The following FAM177A1 variants were observed in gnomAD, a reference collection of about 807,000 sequenced individuals.
The protein encoded by FAM177A1 is protein FAM177A1.
In FAM177A1, 22 loss-of-function variants were observed where a neutral mutation model predicts 26.1. The observed-to-expected ratio is 0.84, with a 90% CI of 0.60 to 1.20. The LOEUF (loss-of-function observed/expected upper bound fraction) is 1.20. Among genes scored for constraint, FAM177A1 ranks in the 50% most tolerant of loss-of-function variants. FAM177A1 has a pLI of 0.00. For missense variants in FAM177A1, 296 were observed against 291.1 expected, an observed-to-expected ratio of 1.02 and a Z score of -0.12; for synonymous variants, 95 against 99.3, an observed-to-expected ratio of 0.96 and a Z score of 0.26.
chr14:35,052,994 G>A (rs745500477), intron 1 of FAM177A1, among the ~76,000 whole-genome samples: 2 of 152,132 alleles, frequency 1.3e-5, no homozygotes, highest in Non-Finnish European at 2.9e-5. Flanking sequence ...AATCTCTTTT[G>A]TTACATATGT....
chr14:35,049,581 C>G (rs1340848590), intron 1 of FAM177A1, among the ~76,000 whole-genome samples: 1 of 152,044 alleles, frequency 6.6e-6, no homozygotes, highest in East Asian at 1.9e-4. Context: ...GTCAGGAGTT[C>G]GAGACCAGCC....
chr14:35,066,803 C>CTT (rs35581352), intron 2 of FAM177A1, among the ~76,000 whole-genome samples: 1 of 148,594 alleles, frequency 6.7e-6, no homozygotes, highest in African/African-American at 2.5e-5. Flanking sequence ...AATCTTGAAT[C>CTT]TTTTTTTTTT....
chr14:35,081,471 T>C lies in FAM177A1; in HGVS notation c.*243T>C. The C allele has an allele frequency of 3.2e-6, 1 of 314,092 alleles. No homozygotes were observed. Among genetic ancestry groups the C allele is most frequent in the Non-Finnish European group, 5.7e-6 (1 of 176,676 alleles). The allele number at this position is 314,092 out of a possible 1,614,324, so 19.5% of individuals were successfully genotyped here. ...AGTGCTTTGGTTTTAAAATGATCTT[T>C]TAAAAAAGTTAAGGACATCCTAGAG... On this transcript the variant is annotated 3_prime_UTR_variant, in exon 5 of 5. Transcript: ENST00000280987.
chr14:35,067,528 C>T (rs1298920086), intron 2 of FAM177A1, among the ~76,000 whole-genome samples: 2 of 152,020 alleles, frequency 1.3e-5, no homozygotes, highest in African/African-American at 4.8e-5. Flanking sequence ...GATTCCAGTT[C>T]CTTTCAATAT....
intron 4 of FAM177A1, among the ~76,000 whole-genome samples, chr14:35,079,998 G>A (rs1276785842): frequency 6.6e-6 from 1 of 152,042 alleles, no homozygotes; most frequent in Non-Finnish European, 1.5e-5. Context: ...AACACTGTAA[G>A]CCTTGCTTAG....
At chr14:35,053,057 T>C in intron 1 of FAM177A1, 1 of 459,042 alleles carries the variant, frequency 2.2e-6, no homozygotes, top group Non-Finnish European at 3.8e-6. Flanking sequence ...ATAATCTGCT[T>C]TCCAGATTTG....
chr14:35,071,719 T>C (rs1351030407), intron 2 of FAM177A1, among the ~76,000 whole-genome samples: 1 of 152,214 alleles, frequency 6.6e-6, no homozygotes, highest in East Asian at 1.9e-4. Flanking sequence ...TCAATTATTC[T>C]CGCCAGAAAC....
intron 2 of FAM177A1, among the ~76,000 whole-genome samples, chr14:35,059,029 G>A (rs907231709): frequency 5.9e-5 from 9 of 151,710 alleles, no homozygotes; most frequent in Non-Finnish European, 7.4e-5. Context: ...TCCGCCTCCC[G>A]GGTTCACGCC....
At position 35,054,173 on chromosome 14, in the gene FAM177A1, C is replaced by T. The variant is rs2045023685; in HGVS notation, c.339+722C>T. On this transcript the variant is annotated intron_variant, in intron 2 of 4. Coordinates refer to ENST00000280987, the MANE Select transcript of FAM177A1 (RefSeq NM_173607.5). The stretch of plus-strand genomic sequence containing the variant: ...GAGCTTGCAGTGAGCCGAGATCGCG[C>T]CACTGCACTACAGCCTGGGCAACAG... Among the ~76,000 whole-genome samples the T allele has an allele frequency of 2.6e-5, 4 of 152,162 alleles. No individual in the cohort carries two copies. In the South Asian group the frequency reaches 6.2e-4, roughly 24 times the overall value.
At chr14:35,072,527 CT>C (rs2045338590) in intron 2 of FAM177A1, among the ~76,000 whole-genome samples, 1 of 152,142 alleles carries the variant, frequency 6.6e-6, no homozygotes, top group African/African-American at 2.4e-5. Flanking sequence ...TTCTGTCTGA[CT>C]GTTTTACTTT....
intron 2 of FAM177A1, among the ~76,000 whole-genome samples, chr14:35,055,884 A>G (rs957631934): frequency 1.3e-5 from 2 of 152,012 alleles, no homozygotes; most frequent in African/African-American, 2.4e-5. Context: ...TGCCTTTGCT[A>G]TGTATCTTCT....
intron 2 of FAM177A1, among the ~76,000 whole-genome samples, chr14:35,076,586 TATA>T (rs1034299181): frequency 2.0e-5 from 3 of 152,002 alleles, no homozygotes; most frequent in Admixed American, 6.6e-5. Flanking sequence ...GAACTTAAAG[TATA>T]ATAATAATAA....
At chr14:35,056,337 C>CTATTTTT (rs533460867) in intron 2 of FAM177A1, among the ~76,000 whole-genome samples, 3 of 150,932 alleles carry the variant, frequency 2.0e-5, no homozygotes, top group African/African-American at 4.9e-5. Flanking sequence ...GCCCAGGCAA[C>CTATTTTT]TATTTTTTAT....
At chr14:35,079,500 A>T (rs1328801407) in intron 4 of FAM177A1, among the ~76,000 whole-genome samples, 2 of 152,168 alleles carry the variant, frequency 1.3e-5, no homozygotes, top group African/African-American at 4.8e-5. Flanking sequence ...AGTGAAGTGA[A>T]TTTTGTCTTA....
intron 2 of FAM177A1, among the ~76,000 whole-genome samples, chr14:35,067,812 TA>T (rs2045262316): frequency 6.6e-6 from 1 of 152,250 alleles, no homozygotes; most frequent in African/African-American, 2.4e-5. Flanking sequence ...ATCTGTTGAC[TA>T]TTCATATGCC....
chr14:35,046,311 G>C lies in FAM177A1; in HGVS notation c.-153G>C, dbSNP rs2044860228. 5.5e-5 allele frequency: 49 copies of C among 884,198 alleles called. No homozygotes were observed. The highest frequency in any genetic ancestry group is 7.6e-5 in the Non-Finnish European group (48 of 633,714). The allele number at this position is 884,198 out of a possible 1,614,324, so 54.8% of individuals were successfully genotyped here. A position where few individuals can be genotyped will look rare whatever the true frequency, so the allele number is the denominator to read the frequency against. ...CAGCTCTCGGGGTGCGGAGCCCGGC[G>C]GGCTAGGCGAGGCGCGGGCTGGCCC... is the stretch of plus-strand genomic sequence containing the variant. On this transcript the variant is annotated 5_prime_UTR_variant, in exon 1 of 5. Transcript: ENST00000280987.
chr14:35,055,533 A>G (rs2045048230), intron 2 of FAM177A1, among the ~76,000 whole-genome samples: 1 of 150,560 alleles, frequency 6.6e-6, no homozygotes, highest in Non-Finnish European at 1.5e-5. Context: ...TCCTGGGTTT[A>G]AGCGATTCTC....
chr14:35,046,389 G>A lies in FAM177A1; in HGVS notation c.-75G>A. 1 of 1,304,594 alleles carries A rather than the reference G, an allele frequency of 7.7e-7. No individual in the cohort carries two copies. Among genetic ancestry groups the A allele is most frequent in the Non-Finnish European group, 9.9e-7 (1 of 1,013,770 alleles). 80.8% of individuals were successfully genotyped at this position (1,304,594 alleles called of 1,614,324 possible). A position where few individuals can be genotyped will look rare whatever the true frequency, so the allele number is the denominator to read the frequency against. ...TCAGAGACTTGGCTAGGCGCGGCGC[G>A]AGGCGGGCGCTGGGCGGGTGAGTCC... is the stretch of plus-strand genomic sequence containing the variant. On this transcript the variant is annotated 5_prime_UTR_variant, in exon 1 of 5. Coordinates refer to ENST00000280987, the MANE Select transcript of FAM177A1 (RefSeq NM_173607.5).
intron 1 of FAM177A1, among the ~76,000 whole-genome samples, chr14:35,052,799 A>G (rs777771454): frequency 3.9e-5 from 6 of 152,052 alleles, no homozygotes; most frequent in South Asian, 2.1e-4. Flanking sequence ...GCATGCTCCT[A>G]TAGTCCCAGG....
Sources: gnomAD v4.1 joint callset for allele counts (sites outside exome capture counted in the v4.1 genomes callset) on GRCh38, gnomAD v4.1.1 for gene constraint, MANE v1.5 for transcripts, NCBI Gene and HGNC (gene_info 2026-07-23, HGNC 2026-07-21) for gene names.